The following MRPL32 variants were observed in gnomAD, a reference collection of about 807,000 sequenced individuals.
MRPL32 encodes the protein mitochondrial ribosomal protein L32.
In MRPL32, 14 loss-of-function variants were observed where a neutral mutation model predicts 21.7. The observed-to-expected ratio is 0.64, with a 90% CI of 0.43 to 1.01. The LOEUF (loss-of-function observed/expected upper bound fraction) is 1.01. Among genes scored for constraint, MRPL32 ranks in the 50% least tolerant of loss-of-function variants. The pLI, the probability that MRPL32 is intolerant of heterozygous loss-of-function variation, is 0.00. For missense variants in MRPL32, 211 were observed against 235.9 expected (o/e 0.89, Z 0.69); for synonymous variants, 83 against 87.7 (o/e 0.95, Z 0.30).
At chr7:42,935,176 C>T in intron 2 of MRPL32, 40 bp downstream of exon 2, 1 of 1,544,806 alleles carries the variant, frequency 6.5e-7, no homozygotes, top group Non-Finnish European at 8.9e-7. Context: ...TTCCTCAAGT[C>T]CTCCATTGAA....
Position 42,932,531 on chromosome 7 carries a change from G to T in MRPL32, c.130+15G>T. ...TCCTCCGTGGGGTAGGTAAAGAAGG[G>T]CTCCGTGGGAGAGGGGGCTGATGAC... is the stretch of plus-strand genomic sequence containing the variant. On this transcript the variant is annotated intron_variant, in intron 1 of 2. Transcript: ENST00000223324. 6.3e-7 allele frequency: 1 copy of T among 1,588,308 alleles called. No homozygotes were observed. Among genetic ancestry groups the T allele is most frequent in the East Asian group, 2.3e-5 (1 of 44,098 alleles).
At position 42,937,579 on chromosome 7, in the gene MRPL32, C is replaced by G. The variant is rs1198408788; in HGVS notation, c.*3C>G. 1 of 1,595,686 alleles carries G rather than the reference C, an allele frequency of 6.3e-7. No homozygotes were observed. Among genetic ancestry groups the G allele is most frequent in the South Asian group, 1.1e-5 (1 of 88,670 alleles). Reference sequence around the variant, plus strand: ...CATCCTGGTTCACCCAGAATTGACACCAAAGATGTTAAAAGGGTAACTTCA... The same window carrying G: ...CATCCTGGTTCACCCAGAATTGACAGCAAAGATGTTAAAAGGGTAACTTCA... On this transcript the variant is annotated 3_prime_UTR_variant, in exon 3 of 3. Coordinates refer to ENST00000223324, the MANE Select transcript of MRPL32 (RefSeq NM_031903.3).
chr7:42,934,115 A>C (rs1003208804), intron 1 of MRPL32, among the ~76,000 whole-genome samples: 1 of 152,064 alleles, frequency 6.6e-6, no homozygotes, highest in African/African-American at 2.4e-5. Context: ...CTAAAAATAC[A>C]AAATTAACCA....
At position 42,935,028 on chromosome 7, in the gene MRPL32, T is replaced by C. The variant is rs1268644294; in HGVS notation, c.204T>C (p.Asn68=). 7 of 1,614,054 alleles carry C rather than the reference T, an allele frequency of 4.3e-6. No individual in the cohort carries two copies. Among genetic ancestry groups the C allele is most frequent in the Non-Finnish European group, 5.9e-6 (7 of 1,179,984 alleles). Residue 68 remains asparagine, a synonymous_variant, in exon 2 of 3, where the codon AAT becomes AAC. Transcript: ENST00000223324. ...ATGATACCAGTGGAAGTAAAGAGAA[T>C]TCCAGCCTTTTGGACAGTATCTTTT... ...PANDTSGSKE[N]SSLLDSIFWM... is the part of the protein sequence containing the mutation.
chr7:42,932,411 G>A lies in MRPL32; in HGVS notation c.25G>A (p.Val9Met), dbSNP rs753477502. MALAMLVL[V>M]VSPWSAARGV... is the part of the protein sequence containing the mutation. Reference sequence around the variant, plus strand: ...AATGGCGCTGGCCATGCTGGTCTTGGTGGTTTCGCCGTGGTCTGCGGCCCG... The same window carrying A: ...AATGGCGCTGGCCATGCTGGTCTTGATGGTTTCGCCGTGGTCTGCGGCCCG... Residue 9 changes from valine to methionine, a missense_variant, in exon 1 of 3, where the codon GTG (valine) becomes ATG (methionine). Val to Met is a conservative substitution (Grantham distance 21). Transcript: ENST00000223324. 9 of 1,611,878 alleles carry A rather than the reference G, an allele frequency of 5.6e-6. No individual in the cohort carries two copies. Among genetic ancestry groups the A allele is most frequent in the Non-Finnish European group, 6.8e-6 (8 of 1,178,604 alleles).
At chr7:42,936,965 CT>C (rs1440347127) in intron 2 of MRPL32, 2 of 347,066 alleles carry the variant, frequency 5.8e-6, no homozygotes, top group Admixed American at 4.0e-5. Flanking sequence ...ATTTAAGATG[CT>C]GATTGTTTGG....
At chr7:42,934,193 G>A (rs1786383881) in intron 1 of MRPL32, among the ~76,000 whole-genome samples, 1 of 151,366 alleles carries the variant, frequency 6.6e-6, no homozygotes, top group African/African-American at 2.4e-5. Flanking sequence ...ACTTGAACCA[G>A]GGAGGCGGAG....
intron 1 of MRPL32, among the ~76,000 whole-genome samples, chr7:42,933,367 G>C (rs1786364346): frequency 6.6e-6 from 1 of 152,102 alleles, no homozygotes; most frequent in Admixed American, 6.5e-5. Flanking sequence ...GTTGTCCTGA[G>C]AGGACAGTTC....
chr7:42,934,267 CAAAAA>C (rs3028763), intron 1 of MRPL32, among the ~76,000 whole-genome samples: 1 of 124,836 alleles, frequency 8.0e-6, no homozygotes, highest in African/African-American at 3.0e-5. Context: ...GACTCAGTCT[CAAAAA>C]AAAAAAAAAA....
chr7:42,937,783 C>G lies in MRPL32; in HGVS notation c.*207C>G, dbSNP rs1786453720. 2.3e-6 allele frequency: 1 copy of G among 438,488 alleles called. No individual in the cohort carries two copies. Among genetic ancestry groups the G allele is most frequent in the Non-Finnish European group, 4.0e-6 (1 of 251,334 alleles). 27.2% of individuals were successfully genotyped at this position (438,488 alleles called of 1,614,324 possible). On this transcript the variant is annotated 3_prime_UTR_variant, in exon 3 of 3. Transcript: ENST00000223324. ...TCCAAAGGCTCAATGGATTATGTTT[C>G]TATTATATACAAGGTTTTAAGTAAA...
chr7:42,935,425 A>G (rs1433647051), intron 2 of MRPL32: 1 of 231,564 alleles, frequency 4.3e-6, no homozygotes, highest in Non-Finnish European at 8.4e-6. Flanking sequence ...GAGCTGTGTC[A>G]GTCTTGAGCT....
intron 2 of MRPL32, 61 bp downstream of exon 2, chr7:42,935,197 G>A: frequency 5.7e-6 from 8 of 1,398,130 alleles, no homozygotes; most frequent in Non-Finnish European, 7.9e-6. Flanking sequence ...TAAGCTCATG[G>A]TAGATTCCTA....
In MRPL32 at chr7:42,935,119, A is replaced by T; in HGVS notation, c.295A>T (p.Lys99Ter). The change falls in exon 2 of 3, where the codon AAG (lysine) becomes TAG (stop). Residue 99 changes from lysine to a stop codon, truncating the protein, a stop_gained. Transcript: ENST00000223324. LOFTEE classifies it high-confidence loss of function. Reference sequence around the variant, plus strand: ...CCGGTGTAGGAGAAGAAATCCGCAGAAGCTTATTAAAGTTAAGGTAATGCA... The same window carrying T: ...CCGGTGTAGGAGAAGAAATCCGCAGTAGCTTATTAAAGTTAAGGTAATGCA... The part of the protein sequence containing the change: ...VNRCRRRNPQ[K>*]LIKVKNNIDV... 1 of 1,610,296 alleles carries T rather than the reference A, an allele frequency of 6.2e-7. No homozygotes were observed. Among genetic ancestry groups the T allele is most frequent in the Non-Finnish European group, 8.5e-7 (1 of 1,178,958 alleles).
Position 42,935,145 on chromosome 7 carries a change from T to C in MRPL32, c.312+9T>C. Reference sequence around the variant, plus strand: ...AGCTTATTAAAGTTAAGGTAATGCATTGATTTTTGTGGGTGTGCTTTTCCT... The same window carrying C: ...AGCTTATTAAAGTTAAGGTAATGCACTGATTTTTGTGGGTGTGCTTTTCCT... On this transcript the variant is annotated intron_variant, in intron 2 of 2. Coordinates refer to ENST00000223324, the MANE Select transcript of MRPL32 (RefSeq NM_031903.3). 6.2e-7 allele frequency: 1 copy of C among 1,604,728 alleles called. No homozygotes were observed. The highest frequency in any genetic ancestry group is 8.5e-7 in the Non-Finnish European group (1 of 1,175,778).
At chr7:42,933,778 G>A (rs941728379) in intron 1 of MRPL32, among the ~76,000 whole-genome samples, 6 of 152,090 alleles carry the variant, frequency 3.9e-5, no homozygotes, top group Admixed American at 3.9e-4. Flanking sequence ...GGATAATCTT[G>A]ACAACAGTCC....
chr7:42,933,498 C>A (rs1230077812), intron 1 of MRPL32, among the ~76,000 whole-genome samples: 1 of 151,242 alleles, frequency 6.6e-6, no homozygotes, highest in East Asian at 1.9e-4. Context: ...TCCCTTCCCT[C>A]CCTTCTTTCC....
At chr7:42,936,882 T>C (rs369103506) in intron 2 of MRPL32, 106 of 256,568 alleles carry the variant, frequency 4.1e-4, no homozygotes, top group African/African-American at 2.2e-3. Context: ...GGAAGTCAAC[T>C]TGTAATGTTC....
intron 2 of MRPL32, chr7:42,935,736 G>A (rs1786412858): frequency 6.6e-6 from 1 of 152,044 alleles, no homozygotes; most frequent in Admixed American, 6.6e-5. Flanking sequence ...AAAAACTGAG[G>A]CAAAAAGAAT....
chr7:42,935,236 A>T (rs892000850), intron 2 of MRPL32, 100 bp downstream of exon 2: 1 of 968,846 alleles, frequency 1.0e-6, no homozygotes, highest in Non-Finnish European at 1.5e-6. Context: ...TTATCAGATT[A>T]TATGTGTCTA....
Sources: gnomAD v4.1 joint callset for allele counts (sites outside exome capture counted in the v4.1 genomes callset) on GRCh38, gnomAD v4.1.1 for gene constraint, MANE v1.5 for transcripts, NCBI Gene and HGNC (gene_info 2026-07-23, HGNC 2026-07-21) for gene names.